Variants in TBCD observed in about 807,000 individuals in gnomAD.
The protein encoded by TBCD is tubulin-specific chaperone D.
A neutral mutation model predicts 169.3 loss-of-function variants in TBCD; 105 were observed. That is an observed-to-expected ratio of 0.62 (90% confidence interval 0.53 to 0.73). The LOEUF (loss-of-function observed/expected upper bound fraction) is 0.73, where lower values mean the gene tolerates loss of function less well. TBCD is among the 30% of genes least tolerant of loss of function. The probability of loss-of-function intolerance (pLI) is 0.00; values close to 1 mark genes in which losing one functional copy is unlikely to be tolerated. For missense variants in TBCD, 1,444 were observed against 1,600.1 expected (o/e 0.90, Z 1.66); for synonymous variants, 700 against 643.9 (o/e 1.09, Z -1.32).
rs149636303 is a variant in TBCD at position 82,792,076 on chromosome 17, G to A, written c.772-5681G>A. 6.7e-3 allele frequency among the ~76,000 whole-genome samples: 1,020 copies of A among 152,338 alleles called. 12 individuals are homozygous for A. The highest frequency in any genetic ancestry group is 0.023 in the African/African-American group (955 of 41,584). Reference sequence around the variant, plus strand: ...TGTAATCCCAGCACTTTGGGAGGCCGAGGCGGGTGGATCACGAGGTCAAGA... The same window carrying A: ...TGTAATCCCAGCACTTTGGGAGGCCAAGGCGGGTGGATCACGAGGTCAAGA... On this transcript the variant is annotated intron_variant, in intron 7 of 38. Coordinates refer to ENST00000355528, the MANE Select transcript of TBCD (RefSeq NM_005993.5).
chr17:82,903,260 C>T lies in TBCD; in HGVS notation c.1731-145C>T, dbSNP rs554202339. On this transcript the variant is annotated intron_variant, in intron 18 of 38. Coordinates refer to ENST00000355528, the MANE Select transcript of TBCD (RefSeq NM_005993.5). The surrounding 1 kb of genome is among the most constrained non-coding windows in gnomAD (Gnocchi z 4.8). ...TCTGTTGGAGTCGGAGGTTCTTGTACTGGTTCGTGTGAGTGAGTGAGTGAG... is the reference window on the plus strand; with the variant it reads ...TCTGTTGGAGTCGGAGGTTCTTGTATTGGTTCGTGTGAGTGAGTGAGTGAG... The T allele has an allele frequency of 4.2e-6, 3 of 713,106 alleles. No individual in the cohort carries two copies. Among genetic ancestry groups the T allele is most frequent in the African/African-American group, 3.5e-5 (2 of 56,544 alleles). 44.2% of individuals were successfully genotyped at this position (713,106 alleles called of 1,614,324 possible).
chr17:82,920,704 C>A lies in TBCD; in HGVS notation c.2101+86C>A. ...AAAAATGAACCTGTTAGGATGGGGG[C>A]GATAAACGATTATAGCTTAAAGGTT... is the stretch of plus-strand genomic sequence containing the variant. On this transcript the variant is annotated intron_variant, in intron 24 of 38. Coordinates refer to ENST00000355528, the MANE Select transcript of TBCD (RefSeq NM_005993.5). This position sits in a 1 kb window ranked among gnomAD's most constrained non-coding sequence, Gnocchi z 4.1. 2 of 1,154,012 alleles carry A rather than the reference C, an allele frequency of 1.7e-6. No homozygotes were observed. Among genetic ancestry groups the A allele is most frequent in the Non-Finnish European group, 2.5e-6 (2 of 811,106 alleles). The allele number at this position is 1,154,012 out of a possible 1,614,324, so 71.5% of individuals were successfully genotyped here.
chr17:82,809,843 T>G, intron 12 of TBCD, 61 bp downstream of exon 12: 1 of 1,475,100 alleles, frequency 6.8e-7, no homozygotes, highest in Non-Finnish European at 9.4e-7. Context: ...GCCCTGGCTT[T>G]CCTTATATCC....
chr17:82,801,919 TGTC>T (rs1356208215), intron 9 of TBCD, among the ~76,000 whole-genome samples: 10 of 104,244 alleles, frequency 9.6e-5, no homozygotes, highest in East Asian at 9.4e-4. Context: ...GCGGCGTGTG[TGTC>T]GTCGTGTGGC....
rs1306162711 is a variant in TBCD at position 82,944,921 on chromosome 17, CTT to C, written c.*2459_*2460del. 3 of 152,196 alleles carry C rather than the reference CTT, an allele frequency of 2.0e-5. No individual in the cohort carries two copies. The highest frequency in any genetic ancestry group is 4.4e-5 in the Non-Finnish European group (3 of 68,036). 9.4% of individuals were successfully genotyped at this position (152,196 alleles called of 1,614,324 possible). On this transcript the variant is annotated 3_prime_UTR_variant, in exon 39 of 39. Transcript: ENST00000355528. The stretch of plus-strand genomic sequence containing the variant: ...TTTTCAAAGGAACAGCAGCAAGACT[CTT>C]ATCTCAATCTATCTCCCCTGAAGTG...
chr17:82,927,013 C>T lies in TBCD; in HGVS notation c.2472-173C>T, dbSNP rs1477990546. The T allele has an allele frequency of 1.0e-5, 9 of 888,082 alleles. No homozygotes were observed. In the East Asian group the frequency reaches 1.1e-4, roughly 11 times the overall value. 55.0% of individuals were successfully genotyped at this position (888,082 alleles called of 1,614,324 possible). On this transcript the variant is annotated intron_variant, in intron 28 of 38. Transcript: ENST00000355528. ...ACGGCAGAGCGTGACCTCGGGGAAG[C>T]ACGTCCCACGTTCCATACATGTGGA...
chr17:82,823,204 G>T (rs948313327), intron 13 of TBCD, among the ~76,000 whole-genome samples: 1 of 152,190 alleles, frequency 6.6e-6, no homozygotes, highest in Admixed American at 6.5e-5. Flanking sequence ...CTTGTGGGGG[G>T]CCCTGCTGTC....
At chr17:82,770,700 A>T (rs1457437054) in intron 5 of TBCD, among the ~76,000 whole-genome samples, 1 of 150,806 alleles carries the variant, frequency 6.6e-6, no homozygotes, top group East Asian at 2.0e-4. Context: ...AAGACTTGGC[A>T]CTCTGTGATT....
intron 13 of TBCD, among the ~76,000 whole-genome samples, chr17:82,853,398 C>A (rs981949923): frequency 6.8e-6 from 1 of 146,286 alleles, no homozygotes; most frequent in African/African-American, 2.5e-5. Context: ...CAACACCCCC[C>A]CTCCTTTTTT....
chr17:82,760,642 A>T (rs1010550193), intron 2 of TBCD, among the ~76,000 whole-genome samples: 1 of 152,238 alleles, frequency 6.6e-6, no homozygotes, highest in Non-Finnish European at 1.5e-5. Context: ...CTTTATAGGG[A>T]TATAATTACA....
At position 82,797,766 on chromosome 17, in the gene TBCD, T is replaced by C. The variant is rs2050204829; in HGVS notation, c.781T>C (p.Phe261Leu). 6.4e-7 allele frequency: 1 copy of C among 1,571,294 alleles called. No homozygotes were observed. The highest frequency in any genetic ancestry group is 1.4e-5 in the African/African-American group (1 of 72,836). ...DGTLQALAQI[F>L]KHGKREDCLP... ...TTTTTTTTTTTTTTAGGCACAAATA[T>C]TTAAACATGGAAAACGTGAAGACTG... Residue 261 changes from phenylalanine to leucine, a missense_variant, in exon 8 of 39, where the codon TTT becomes CTT. Transcript: ENST00000355528.
intron 6 of TBCD, among the ~76,000 whole-genome samples, chr17:82,777,286 T>G (rs1468469809): frequency 6.6e-6 from 1 of 152,166 alleles, no homozygotes; most frequent in Non-Finnish European, 1.5e-5. Flanking sequence ...TTTAGTGCCA[T>G]TTTGTGTCTG....
At chr17:82,858,599 G>C in intron 13 of TBCD, 1 of 985,422 alleles carries the variant, frequency 1.0e-6, no homozygotes. Flanking sequence ...CTGTGTGGAC[G>C]GCCTGGTTCG....
intron 13 of TBCD, among the ~76,000 whole-genome samples, chr17:82,867,940 G>C (rs371167011): frequency 1.3e-5 from 2 of 152,174 alleles, no homozygotes; most frequent in African/African-American, 4.8e-5. Flanking sequence ...GGTCCCCCAG[G>C]GGGAGGACTC....
At chr17:82,869,908 A>G (rs1301504885) in intron 13 of TBCD, among the ~76,000 whole-genome samples, 2 of 150,848 alleles carry the variant, frequency 1.3e-5, no homozygotes, top group African/African-American at 5.0e-5. Context: ...CGTTTCCTTG[A>G]GTCTCCTCAG....
intron 13 of TBCD, among the ~76,000 whole-genome samples, chr17:82,848,203 C>T (rs76062025): frequency 0.016 from 2,472 of 152,246 alleles, 79 homozygotes; most frequent in African/African-American, 0.056. Flanking sequence ...CCCTGAGCGG[C>T]CTCGGAAATG....
chr17:82,895,310 GC>G (rs2059401876), intron 17 of TBCD, among the ~76,000 whole-genome samples: 2 of 152,138 alleles, frequency 1.3e-5, no homozygotes, highest in South Asian at 4.1e-4. Flanking sequence ...GTACCGCGGG[GC>G]CCCCCTGCAC....
At chr17:82,912,323 C>G (rs1599483745) in intron 23 of TBCD, among the ~76,000 whole-genome samples, 1 of 152,224 alleles carries the variant, frequency 6.6e-6, no homozygotes. Flanking sequence ...CTCTGATACC[C>G]CCCGGGGGTT....
chr17:82,831,394 G>C lies in TBCD; in HGVS notation c.1318+16460G>C, dbSNP rs1469970569. ...AGGACTCGAGGCTGGATAGACCAGG[G>C]TGGCTTCTTCAAGCAGGTGAGAGCT... On this transcript the variant is annotated intron_variant, in intron 13 of 38. Transcript: ENST00000355528. The surrounding 1 kb of genome is among the most constrained non-coding windows in gnomAD (Gnocchi z 4.6). 3 of 1,614,214 alleles carry C rather than the reference G, an allele frequency of 1.9e-6. No homozygotes were observed. The East Asian group carries it at 6.7e-5, about 36-fold the overall frequency.
Sources: gnomAD v4.1 joint callset for allele counts (sites outside exome capture counted in the v4.1 genomes callset) on GRCh38, gnomAD v4.1.1 for gene constraint, Gnocchi (gnomAD v3.1) non-coding constraint, MANE v1.5 for transcripts, NCBI Gene and HGNC (gene_info 2026-07-23, HGNC 2026-07-21) for gene names.